MUC17: variants seen among roughly 807,000 people sequenced by gnomAD.
The protein encoded by MUC17 is mucin-17.
MUC17 carries 190 observed loss-of-function variants against 170.3 expected under a neutral mutation model. The observed-to-expected ratio is 1.12, with a 90% CI of 0.99 to 1.26. The LOEUF (loss-of-function observed/expected upper bound fraction) is 1.26. Ranked by LOEUF, MUC17 falls within the 50% of genes most tolerant of loss-of-function variation. The pLI is 0.00. For missense variants in MUC17, 6,415 were observed against 5,530.0 expected (o/e 1.16, Z -5.08); for synonymous variants, 2,325 against 2,002.5 (o/e 1.16, Z -4.30).
At chr7:101,028,929 T>C (rs1562801726) in intron 1 of MUC17, among the ~76,000 whole-genome samples, 1 of 151,420 alleles carries the variant, frequency 6.6e-6, no homozygotes, top group Non-Finnish European at 1.5e-5. Flanking sequence ...GGTTCATGCC[T>C]GTAAACCCAG....
chr7:101,038,331 C>T lies in MUC17; in HGVS notation c.6915C>T (p.Asp2305=), dbSNP rs563215646. The T allele has an allele frequency of 5.6e-6, 9 of 1,613,678 alleles. No homozygotes were observed. In the Admixed American group the frequency reaches 1.3e-4, roughly 24 times the overall value. Residue 2305 remains aspartate, a synonymous_variant, in exon 3 of 13, where the codon GAC becomes GAT. Coordinates refer to ENST00000306151, the MANE Select transcript of MUC17 (RefSeq NM_001040105.2). ...GCACCCTTTCAACAACTCCTGTTGA[C>T]TCCAACACTCCTTTCACTACTTCTA... ...EVSTLSTTPV[D]SNTPFTTSTE...
At chr7:101,029,358 AATAC>A (rs566444883) in intron 1 of MUC17, among the ~76,000 whole-genome samples, 1 of 151,956 alleles carries the variant, frequency 6.6e-6, no homozygotes. Flanking sequence ...TCTGTCTCTA[AATAC>A]ATACATACAT....
chr7:101,044,255 C>G (rs1186455179), intron 3 of MUC17, among the ~76,000 whole-genome samples: 1 of 152,140 alleles, frequency 6.6e-6, no homozygotes, highest in East Asian at 1.9e-4. Flanking sequence ...ATCTACCCAT[C>G]TGACAAAGAG....
chr7:101,054,057 C>CAAAAAAAAAAAAAAAAAAAAAAA (rs58623975), intron 11 of MUC17, among the ~76,000 whole-genome samples: 1 of 40,380 alleles, frequency 2.5e-5, no homozygotes, highest in Admixed American at 5.2e-4. Context: ...AAGACCCTGT[C>CAAAAAAAAAAAAAAAAAAAAAAA]AAAAAAAAAA....
rs200543426 is a variant in MUC17, at chr7:101,037,555, G to C, written c.6139G>C (p.Ala2047Pro). 4 of 1,613,140 alleles carry C rather than the reference G, an allele frequency of 2.5e-6. No homozygotes were observed. The South Asian group carries it at 4.4e-5, about 18-fold the overall frequency. Residue 2047 changes from alanine (A) to proline (P), a missense_variant, in exon 3 of 13, where the codon GCA (alanine) becomes CCA (proline). Ala to Pro is a conservative substitution (Grantham distance 27). Transcript: ENST00000306151. ...TCCTAGTGAACGGACCACTCCATTA[G>C]CAGGTATGCCTGTCAGCACTACGCT... ...STPSERTTPL[A>P]GMPVSTTLVV...
chr7:101,028,497 A>AT (rs1056258902), intron 1 of MUC17, among the ~76,000 whole-genome samples: 60 of 151,618 alleles, frequency 4.0e-4, no homozygotes, highest in South Asian at 6.3e-4. Flanking sequence ...CATCTGGTGT[A>AT]TTTTTTTTAT....
rs1794271428 is a variant in MUC17, at chr7:101,031,136, G to A, written c.99G>A (p.Arg33=). ...AAAEQDLSVN[R]AVWDGGGCIS... is the part of the protein sequence containing the mutation. ...CTCTTTCAGACCTCAGTGTGAACAGGGCTGTGTGGGATGGAGGAGGGTGCA... is the reference window on the plus strand; with the variant it reads ...CTCTTTCAGACCTCAGTGTGAACAGAGCTGTGTGGGATGGAGGAGGGTGCA... The change falls in exon 2 of 13, where the codon AGG becomes AGA. Residue 33 remains arginine, a synonymous_variant. Coordinates refer to ENST00000306151, the MANE Select transcript of MUC17 (RefSeq NM_001040105.2). 3 of 1,613,464 alleles carry A rather than the reference G, an allele frequency of 1.9e-6. No individual in the cohort carries two copies. The highest frequency in any genetic ancestry group is 2.7e-5 in the African/African-American group (2 of 74,900).
In MUC17 at chr7:101,043,011, TA is replaced by T. The variant is rs376227604; in HGVS notation, c.11596del (p.Ile3866PhefsTer11). 6.2e-6 allele frequency: 10 copies of T among 1,614,042 alleles called. No homozygotes were observed. The East Asian group carries it at 1.8e-4, about 29-fold the overall frequency. ...TACCTGCTGAAGTCACTACCATACGTATTTCAATTACCAGTGAAAGAAGCAC... is the reference window on the plus strand; with the variant it reads ...TACCTGCTGAAGTCACTACCATACGTTTTCAATTACCAGTGAAAGAAGCAC... ...SIPAEVTTIR[I>X]SITSERSTPL... is the part of the protein sequence containing the mutation. On this transcript the variant is annotated frameshift_variant, in exon 3 of 13. Coordinates refer to ENST00000306151, the MANE Select transcript of MUC17 (RefSeq NM_001040105.2). LOFTEE classifies it high-confidence loss of function.
In MUC17 at chr7:101,053,095, A is replaced by C. The variant is rs753997575; in HGVS notation, c.13213A>C (p.Ile4405Leu). 4.3e-6 allele frequency: 7 copies of C among 1,613,966 alleles called. No homozygotes were observed. In the Admixed American group the frequency reaches 1.2e-4, roughly 27 times the overall value. The change falls in exon 10 of 13, where the codon ATC becomes CTC. Residue 4405 changes from isoleucine to leucine, a missense_variant. Transcript: ENST00000306151. ...GGCAGGGGTCGTGCTGATGCTGATC[A>C]TCCTGGTAGCTCTCCTGATGCTCGT... ...VGAGVVLMLI[I>L]LVALLMLVFR...
intron 3 of MUC17, among the ~76,000 whole-genome samples, chr7:101,045,158 G>A (rs924488296): frequency 6.6e-6 from 1 of 152,022 alleles, no homozygotes; most frequent in South Asian, 2.1e-4. Context: ...AGAATATTTT[G>A]CATACATTTT....
At chr7:101,049,998 G>T (rs1794908581) in intron 6 of MUC17, among the ~76,000 whole-genome samples, 1 of 152,136 alleles carries the variant, frequency 6.6e-6, no homozygotes, top group South Asian at 2.1e-4. Flanking sequence ...GGGTATGGTG[G>T]TATACACCTG....
intron 2 of MUC17, among the ~76,000 whole-genome samples, 182 bp downstream of exon 2, chr7:101,031,403 C>T (rs1794276614): frequency 1.3e-5 from 2 of 152,086 alleles, no homozygotes; most frequent in Admixed American, 6.6e-5. Context: ...GGAAAGGGGT[C>T]GAGTTCAATT....
At chr7:101,046,546 C>T (rs926163565) in intron 3 of MUC17, among the ~76,000 whole-genome samples, 14 of 151,966 alleles carry the variant, frequency 9.2e-5, no homozygotes, top group African/African-American at 2.7e-4. Context: ...GAGGCTGAGA[C>T]TGGAGAATTT....
chr7:101,035,306 C>T lies in MUC17; in HGVS notation c.3890C>T (p.Thr1297Ile), dbSNP rs777620617. 4 of 1,610,440 alleles carry T rather than the reference C, an allele frequency of 2.5e-6. No individual in the cohort carries two copies. The highest frequency in any genetic ancestry group is 2.2e-5 in the East Asian group (1 of 44,590). ...CTGGTGACCAGTCCTGAGGCTAGCA[C>T]CCTTTTAACAACTCCTGTTGACACT... Reference protein sequence around the residue: ...TTLVTSPEASTLLTTPVDTKG... With the variant: ...TTLVTSPEASILLTTPVDTKG... Residue 1297 changes from threonine to isoleucine, a missense_variant, in exon 3 of 13, where the codon ACC (threonine) becomes ATC (isoleucine). Coordinates refer to ENST00000306151, the MANE Select transcript of MUC17 (RefSeq NM_001040105.2).
intron 7 of MUC17, 39 bp downstream of exon 7, chr7:101,050,674 T>G: frequency 6.2e-7 from 1 of 1,601,796 alleles, no homozygotes; most frequent in Non-Finnish European, 8.5e-7. Context: ...GGAGAAGGCA[T>G]CAGAGCTGGG....
Position 101,037,441 on chromosome 7 carries a change from C to T in MUC17, c.6025C>T (p.Pro2009Ser), listed in dbSNP as rs143504281. 1.2e-6 allele frequency: 2 copies of T among 1,611,082 alleles called. No individual in the cohort carries two copies. Among genetic ancestry groups the T allele is most frequent in the South Asian group, 1.1e-5 (1 of 90,642 alleles). Residue 2009 changes from proline (P) to serine (S), a missense_variant, in exon 3 of 13, where the codon CCT becomes TCT. By Grantham distance (74) the Pro-to-Ser change is moderately conservative. Coordinates refer to ENST00000306151, the MANE Select transcript of MUC17 (RefSeq NM_001040105.2). ...SSEASTLSTT[P>S]VDTSTPATTS... Reference sequence around the variant, plus strand: ...TGAGGCTAGCACTCTTTCCACAACTCCTGTTGACACCAGCACTCCTGCCAC... The same window carrying T: ...TGAGGCTAGCACTCTTTCCACAACTTCTGTTGACACCAGCACTCCTGCCAC...
At chr7:101,049,011 C>A in intron 5 of MUC17, 39 bp downstream of exon 5, 2 of 1,613,168 alleles carry the variant, frequency 1.2e-6, no homozygotes, top group Admixed American at 1.7e-5. Flanking sequence ...CTACTCAGTT[C>A]CCCCCAGAGC....
chr7:101,035,556 T>C lies in MUC17; in HGVS notation c.4140T>C (p.Thr1380=). 1.9e-6 allele frequency: 3 copies of C among 1,595,874 alleles called. No individual in the cohort carries two copies. In the South Asian group the frequency reaches 3.3e-5, roughly 18 times the overall value. The change falls in exon 3 of 13, where the codon ACT becomes ACC. Residue 1380 remains threonine, a synonymous_variant. Coordinates refer to ENST00000306151, the MANE Select transcript of MUC17 (RefSeq NM_001040105.2). The part of the protein sequence containing the change: ...TSTEACSSPT[T]SEGTSMPNSN... ...CTGAAGCCTGTTCATCTCCTACAAC[T>C]TCTGAAGGTACCAGCATGCCAAACT...
Position 101,034,349 on chromosome 7 carries a change from C to G in MUC17, c.2933C>G (p.Pro978Arg). The G allele has an allele frequency of 6.3e-7, 1 of 1,575,758 alleles. No homozygotes were observed. Among genetic ancestry groups the G allele is most frequent in the Non-Finnish European group, 8.7e-7 (1 of 1,150,040 alleles). Residue 978 changes from proline (P) to arginine (R), a missense_variant, in exon 3 of 13, where the codon CCT (proline) becomes CGT (arginine). Pro to Arg is a moderately radical substitution (Grantham distance 103). Transcript: ENST00000306151. Reference protein sequence around the residue: ...AEGTSIPTSTPSEGTTPLTST... With the variant: ...AEGTSIPTSTRSEGTTPLTST... ...GGTACCAGCATACCAACCTCGACTC[C>G]TAGTGAAGGAACGACTCCATTAACA...
Sources: gnomAD v4.1 joint callset for allele counts (sites outside exome capture counted in the v4.1 genomes callset) on GRCh38, gnomAD v4.1.1 for gene constraint, MANE v1.5 for transcripts, NCBI Gene and HGNC (gene_info 2026-07-23, HGNC 2026-07-21) for gene names.